Variants in CADM2 observed in about 807,000 individuals in gnomAD.
CADM2 encodes cell adhesion molecule 2.
In CADM2, 12 loss-of-function variants were observed where a neutral mutation model predicts 49.8. The observed-to-expected ratio is 0.24, with a 90% confidence interval of 0.15 to 0.39. The LOEUF is 0.39. Ranked by LOEUF, CADM2 falls within the 10% of genes least tolerant of loss-of-function variation. The probability of loss-of-function intolerance (pLI) is 1.00; values close to 1 mark genes in which losing one functional copy is unlikely to be tolerated. For synonymous variants in CADM2, 214 were observed against 175.4 expected, an observed-to-expected ratio of 1.22 and a Z score of -1.74; for missense variants, 378 against 492.3, an observed-to-expected ratio of 0.77 and a Z score of 2.20.
At chr3:85,199,478 T>A (rs1251848712) in intron 1 of CADM2, among the ~76,000 whole-genome samples, 1 of 151,806 alleles carries the variant, frequency 6.6e-6, no homozygotes, top group Admixed American at 6.6e-5. Flanking sequence ...TCAAAATTTT[T>A]TTTTTTTAGT....
At chr3:84,984,032 GATAT>G (rs375979660) in intron 1 of CADM2, among the ~76,000 whole-genome samples, 1 of 144,546 alleles carries the variant, frequency 6.9e-6, no homozygotes, top group Admixed American at 7.0e-5. Flanking sequence ...TCTTCATTGT[GATAT>G]ATATATATAT....
intron 1 of CADM2, among the ~76,000 whole-genome samples, chr3:85,045,191 T>A (rs2035605248): frequency 6.6e-6 from 1 of 152,170 alleles, no homozygotes; most frequent in African/African-American, 2.4e-5. Context: ...CTGGAGGAAA[T>A]CCTGAAGCTG....
intron 3 of CADM2, among the ~76,000 whole-genome samples, chr3:85,846,353 T>C (rs913754060): frequency 7.9e-5 from 12 of 152,162 alleles, no homozygotes; most frequent in Admixed American, 7.2e-4. Flanking sequence ...TCCTCTAGAA[T>C]GACTGAGCAA....
rs112644615 is a variant in CADM2 at position 85,165,745 on chromosome 3, A to T, written c.61+206077A>T. On this transcript the variant is annotated intron_variant, in intron 1 of 9. Transcript: ENST00000383699. ...ACAGTCTATAGAATGTCCAAGTTTC[A>T]TTTAAAATTGATAACTATTTTTCTC... Among the ~76,000 whole-genome samples the T allele has an allele frequency of 3.3e-5, 5 of 151,926 alleles. 1 individual carries two copies. The highest frequency in any genetic ancestry group is 1.2e-4 in the African/African-American group (5 of 41,542).
At chr3:85,885,430 T>C (rs2108398101) in intron 4 of CADM2, among the ~76,000 whole-genome samples, 1 of 151,760 alleles carries the variant, frequency 6.6e-6, no homozygotes, top group African/African-American at 2.4e-5. Context: ...CCCAGCACTT[T>C]GGGAGGCTGA....
rs397973777 is a variant in CADM2 at position 85,413,138 on chromosome 3, C to CAAAAA, written c.62-313363_62-313359dup. Among the ~76,000 whole-genome samples the CAAAAA allele has an allele frequency of 4.8e-3, 82 of 17,042 alleles. 4 individuals are homozygous for CAAAAA. The highest frequency in any genetic ancestry group is 0.011 in the African/African-American group (64 of 6,040). 11.2% of individuals were successfully genotyped at this position (17,042 alleles called of 152,430 possible). On this transcript the variant is annotated intron_variant, in intron 1 of 9. Coordinates refer to ENST00000383699, the MANE Select transcript of CADM2 (RefSeq NM_001167675.2). ...CCTGGGCGACAGCAAGACTCCGTCT[C>CAAAAA]AAAAAAAAAAAAAAAAAAAAAAAAA...
At chr3:85,376,034 A>C (rs542453497) in intron 1 of CADM2, among the ~76,000 whole-genome samples, 5 of 152,134 alleles carry the variant, frequency 3.3e-5, no homozygotes, top group African/African-American at 4.8e-5. Context: ...TTTAATCTTT[A>C]CAGCAACAAT....
intron 1 of CADM2, among the ~76,000 whole-genome samples, chr3:85,375,949 G>C (rs192589450): frequency 6.6e-6 from 1 of 152,164 alleles, no homozygotes. Context: ...GGGTACCTAA[G>C]TAAACCTAAT....
chr3:85,568,088 C>A (rs1398772697), intron 1 of CADM2, among the ~76,000 whole-genome samples: 2 of 152,202 alleles, frequency 1.3e-5, no homozygotes, highest in African/African-American at 4.8e-5. Context: ...TCAAAGGTAT[C>A]CTCAGCAGTA....
At chr3:85,149,636 C>CTGA (rs2039860820) in intron 1 of CADM2, among the ~76,000 whole-genome samples, 2 of 152,290 alleles carry the variant, frequency 1.3e-5, no homozygotes, top group South Asian at 4.1e-4. Context: ...ACTCTGGAGA[C>CTGA]TGAGGCAGGA....
At chr3:85,255,864 G>A (rs1391509097) in intron 1 of CADM2, among the ~76,000 whole-genome samples, 1 of 151,980 alleles carries the variant, frequency 6.6e-6, no homozygotes, top group Non-Finnish European at 1.5e-5. Flanking sequence ...TATATAATAA[G>A]CATTTACTTG....
chr3:85,304,944 A>G (rs554829932), intron 1 of CADM2, among the ~76,000 whole-genome samples: 6 of 151,876 alleles, frequency 4.0e-5, no homozygotes, highest in Non-Finnish European at 7.4e-5. Flanking sequence ...TTATTTGTCA[A>G]TGAAGATATT....
chr3:85,987,412 A>AT (rs1728241952), intron 8 of CADM2, among the ~76,000 whole-genome samples: 1 of 151,542 alleles, frequency 6.6e-6, no homozygotes, highest in African/African-American at 2.4e-5. Flanking sequence ...ATGAAAATAT[A>AT]TTTTCACTGC....
intron 3 of CADM2, among the ~76,000 whole-genome samples, chr3:85,803,215 G>A (rs2072167052): frequency 1.3e-5 from 2 of 152,148 alleles, no homozygotes; most frequent in South Asian, 4.2e-4. Context: ...AATATATAAT[G>A]AAGGAGTGAT....
At chr3:85,251,106 T>G (rs982421206) in intron 1 of CADM2, among the ~76,000 whole-genome samples, 1 of 151,594 alleles carries the variant, frequency 6.6e-6, no homozygotes, top group Non-Finnish European at 1.5e-5. Flanking sequence ...TTAAATTGAG[T>G]TTTTTTTCCA....
chr3:85,308,980 C>T (rs931593281), intron 1 of CADM2, among the ~76,000 whole-genome samples: 1 of 152,056 alleles, frequency 6.6e-6, no homozygotes, highest in Non-Finnish European at 1.5e-5. Flanking sequence ...GATGAAGTCC[C>T]TGTGCTCACA....
At chr3:85,428,374 ATATTATATT>A (rs2036511803) in intron 1 of CADM2, among the ~76,000 whole-genome samples, 1 of 145,474 alleles carries the variant, frequency 6.9e-6, no homozygotes, top group Non-Finnish European at 1.5e-5. Context: ...TATATAATAT[ATATTATATT>A]TATTTTATAT....
intron 1 of CADM2, among the ~76,000 whole-genome samples, chr3:85,552,879 G>C (rs576448257): frequency 6.6e-6 from 1 of 151,986 alleles, no homozygotes; most frequent in Admixed American, 6.5e-5. Context: ...GGATTTCACC[G>C]TGTTAGTCAG....
chr3:85,505,793 TAA>T (rs1021276837), intron 1 of CADM2, among the ~76,000 whole-genome samples: 18 of 152,230 alleles, frequency 1.2e-4, no homozygotes. Context: ...AAGAATGCAG[TAA>T]TTGATTTTCC....
Sources: allele counts gnomAD v4.1 joint callset (sites outside exome capture counted in the v4.1 genomes callset), GRCh38; gene constraint gnomAD v4.1.1; transcripts MANE v1.5; gene names NCBI Gene and HGNC (gene_info 2026-07-23, HGNC 2026-07-21).